Variants in DLEC1 observed in about 807,000 individuals in gnomAD.
The protein encoded by DLEC1 is DLEC1 cilia and flagella associated protein, also known as deleted in lung and esophageal cancer protein 1.
DLEC1 carries 146 observed loss-of-function variants against 198.1 expected under a neutral mutation model. That is an observed-to-expected ratio of 0.74 (90% CI 0.64 to 0.85). The LOEUF (loss-of-function observed/expected upper bound fraction) is 0.85. DLEC1 is among the 40% of genes least tolerant of loss of function. DLEC1 has a pLI of 0.00. For missense variants in DLEC1, 2,233 were observed against 2,220.0 expected (o/e 1.01, Z -0.12); for synonymous variants, 897 against 866.8 (o/e 1.03, Z -0.61).
At chr3:38,046,811 G>A (rs1700906877) in intron 2 of DLEC1, among the ~76,000 whole-genome samples, 1 of 151,904 alleles carries the variant, frequency 6.6e-6, no homozygotes, top group Non-Finnish European at 1.5e-5. Context: ...ATCCTGTCCA[G>A]GAAGTCATGT....
chr3:38,117,715 T>A, intron 32 of DLEC1, 91 bp from the exon 33 acceptor site: 2 of 1,595,170 alleles, frequency 1.3e-6, no homozygotes, highest in Non-Finnish European at 8.6e-7. Flanking sequence ...CCAAATCCCC[T>A]CCCCCAGCCC....
chr3:38,068,506 C>A (rs1250170395), intron 6 of DLEC1, among the ~76,000 whole-genome samples: 1 of 152,264 alleles, frequency 6.6e-6, no homozygotes, highest in Non-Finnish European at 1.5e-5. Context: ...GCTAGGATTA[C>A]AGGCGTGAGC....
intron 8 of DLEC1, 142 bp downstream of exon 8, chr3:38,085,589 G>A: frequency 1.0e-6 from 1 of 977,384 alleles, no homozygotes; most frequent in Non-Finnish European, 1.5e-6. Flanking sequence ...AGAGGAAACT[G>A]CTAGCAGCTT....
chr3:38,065,459 G>T (rs952066934), intron 6 of DLEC1, among the ~76,000 whole-genome samples: 1 of 152,144 alleles, frequency 6.6e-6, no homozygotes, highest in African/African-American at 2.4e-5. Flanking sequence ...CACAAAACTA[G>T]GGAAAAGACT....
chr3:38,076,922 TG>T lies in DLEC1; in HGVS notation c.1174-7234del, dbSNP rs1173468454. 2.6e-5 allele frequency among the ~76,000 whole-genome samples: 4 copies of T among 152,170 alleles called. No individual in the cohort carries two copies. In the East Asian group the frequency reaches 7.7e-4, roughly 29 times the overall value. ...GAGATTAAGCTGAAGGAAGATTCTG[TG>T]GTAAGGGGTGATATTGTGGGGTTGT... On this transcript the variant is annotated intron_variant, in intron 6 of 36. Coordinates refer to ENST00000308059, the MANE Select transcript of DLEC1 (RefSeq NM_007335.4).
chr3:38,117,635 C>G (rs1481666517), intron 32 of DLEC1, 24 bp downstream of exon 32: 1 of 1,613,922 alleles, frequency 6.2e-7, no homozygotes, highest in Admixed American at 1.7e-5. Flanking sequence ...CACCCTCTGG[C>G]CCTGCCAGCT....
At chr3:38,085,594 C>G (rs1211290852) in intron 8 of DLEC1, 147 bp downstream of exon 8, 2 of 948,610 alleles carry the variant, frequency 2.1e-6, no homozygotes, top group African/African-American at 3.3e-5. Flanking sequence ...AAACTGCTAG[C>G]AGCTTCTGTA....
At position 38,111,766 on chromosome 3, in the gene DLEC1, G is replaced by A. The variant is rs1473475354; in HGVS notation, c.3514+19G>A. The A allele has an allele frequency of 2.5e-6, 4 of 1,606,424 alleles. No homozygotes were observed. Among genetic ancestry groups the A allele is most frequent in the Non-Finnish European group, 3.4e-6 (4 of 1,179,042 alleles). On this transcript the variant is annotated intron_variant, in intron 24 of 36. Transcript: ENST00000308059. The stretch of plus-strand genomic sequence containing the variant: ...CAGCTGGGTAAGCGCCACCAGGGTG[G>A]GGCTTCGGGGCCCAGGCCACGGCCA...
intron 30 of DLEC1, 51 bp from the exon 31 acceptor site, chr3:38,117,157 T>C: frequency 6.2e-7 from 1 of 1,614,044 alleles, no homozygotes; most frequent in East Asian, 2.2e-5. Flanking sequence ...CTGGGTAGCA[T>C]GCTGCCTACT....
intron 2 of DLEC1, chr3:38,052,141 T>C (rs1002287171): frequency 2.6e-6 from 1 of 381,564 alleles, no homozygotes. Context: ...ACACTCCAAG[T>C]TTTTTGAAGA....
chr3:38,059,082 T>C (rs199537433), intron 2 of DLEC1, among the ~76,000 whole-genome samples: 1 of 152,214 alleles, frequency 6.6e-6, no homozygotes, highest in Non-Finnish European at 1.5e-5. Flanking sequence ...CTTTCCTCTC[T>C]TGAGATTTTC....
Position 38,112,325 on chromosome 3 carries a change from C to G in DLEC1, c.3630C>G (p.Asn1210Lys), listed in dbSNP as rs757043713. The change falls in exon 25 of 37, where the codon AAC becomes AAG. Residue 1210 changes from asparagine (N) to lysine (K), a missense_variant. Asn to Lys is a moderately conservative substitution (Grantham distance 94). Coordinates refer to ENST00000308059, the MANE Select transcript of DLEC1 (RefSeq NM_007335.4). The surrounding 1 kb of genome is among the most constrained non-coding windows in gnomAD (Gnocchi z 4.8). ...GCATTGACATCACAGGCTGTGCCAACATGTGGGGCGAGTACTGGGACAACC... is the reference window on the plus strand; with the variant it reads ...GCATTGACATCACAGGCTGTGCCAAGATGTGGGGCGAGTACTGGGACAACC... Reference protein sequence around the residue: ...QLCIDITGCANMWGEYWDNLI... With the variant: ...QLCIDITGCAKMWGEYWDNLI... The G allele has an allele frequency of 6.2e-7, 1 of 1,614,184 alleles. No homozygotes were observed. Among genetic ancestry groups the G allele is most frequent in the Non-Finnish European group, 8.5e-7 (1 of 1,180,010 alleles).
intron 6 of DLEC1, among the ~76,000 whole-genome samples, chr3:38,081,891 G>A (rs1469344020): frequency 2.9e-5 from 4 of 136,864 alleles, no homozygotes; most frequent in Non-Finnish European, 6.6e-5. Context: ...CGGGCGGGGG[G>A]CTGACCCCCC....
intron 2 of DLEC1, among the ~76,000 whole-genome samples, chr3:38,046,312 G>A (rs184922170): frequency 6.6e-6 from 1 of 152,100 alleles, no homozygotes; most frequent in Non-Finnish European, 1.5e-5. Context: ...TTGAATTGTA[G>A]CTCCCGTAAT....
At position 38,063,858 on chromosome 3, in the gene DLEC1, T is replaced by G; in HGVS notation, c.1112T>G (p.Val371Gly). ...EPEQSCADTP[V>G]FLAKPPIGFF... ...TCCCACAGTTGTGCTGATACTCCAGTGTTTCTAGCTAAGCCACCAATTGGG... is the reference window on the plus strand; with the variant it reads ...TCCCACAGTTGTGCTGATACTCCAGGGTTTCTAGCTAAGCCACCAATTGGG... Residue 371 changes from valine (V) to glycine (G), a missense_variant, in exon 6 of 37, where the codon GTG (valine) becomes GGG (glycine). Physicochemically the swap from Val to Gly is moderately radical, Grantham distance 109. Coordinates refer to ENST00000308059, the MANE Select transcript of DLEC1 (RefSeq NM_007335.4). 1 of 1,613,638 alleles carries G rather than the reference T, an allele frequency of 6.2e-7. No homozygotes were observed. Among genetic ancestry groups the G allele is most frequent in the Non-Finnish European group, 8.5e-7 (1 of 1,179,680 alleles).
Position 38,084,255 on chromosome 3 carries a change from G to A in DLEC1, c.1261+10G>A, listed in dbSNP as rs1374069926. On this transcript the variant is annotated intron_variant, in intron 7 of 36. Transcript: ENST00000308059. ...TTCGCTCTGGGACTGGGTAAGTTCA[G>A]TATTTGTAAGTTCATTAGTAGTAGT... 1 of 1,609,018 alleles carries A rather than the reference G, an allele frequency of 6.2e-7. No individual in the cohort carries two copies. Among genetic ancestry groups the A allele is most frequent in the Non-Finnish European group, 8.5e-7 (1 of 1,175,968 alleles).
At chr3:38,080,458 A>G (rs755613610) in intron 6 of DLEC1, among the ~76,000 whole-genome samples, 161 of 152,298 alleles carry the variant, frequency 1.1e-3, no homozygotes, top group Non-Finnish European at 2.0e-3. Flanking sequence ...CACAGAGACT[A>G]GGAAGGGACT....
intron 2 of DLEC1, among the ~76,000 whole-genome samples, chr3:38,048,845 G>T (rs1700988340): frequency 6.6e-6 from 1 of 152,244 alleles, no homozygotes; most frequent in Middle Eastern, 3.4e-3. Context: ...TCAGGCACAG[G>T]TTCTGTATCT....
chr3:38,085,363 G>C lies in DLEC1; in HGVS notation c.1351G>C (p.Asp451His). The change falls in exon 8 of 37, where the codon GAT (aspartate) becomes CAT (histidine). Residue 451 changes from aspartate (D) to histidine (H), a missense_variant. By Grantham distance (81) the Asp-to-His change is moderately conservative. Coordinates refer to ENST00000308059, the MANE Select transcript of DLEC1 (RefSeq NM_007335.4). The stretch of plus-strand genomic sequence containing the variant: ...TTTTCCCGACTGCCTTGGGGATTTT[G>C]ATGATTTTATTTTAGTGGAGACCCA... ...QFFPDCLGDF[D>H]DFILVETQSA... 1 of 1,614,136 alleles carries C rather than the reference G, an allele frequency of 6.2e-7. No individual in the cohort carries two copies. Among genetic ancestry groups the C allele is most frequent in the Non-Finnish European group, 8.5e-7 (1 of 1,180,018 alleles).
Sources: gnomAD v4.1 joint callset for allele counts (sites outside exome capture counted in the v4.1 genomes callset) on GRCh38, gnomAD v4.1.1 for gene constraint, Gnocchi (gnomAD v3.1) non-coding constraint, MANE v1.5 for transcripts, NCBI Gene and HGNC (gene_info 2026-07-23, HGNC 2026-07-21) for gene names.